The following NRXN3 variants were observed in gnomAD, a reference collection of about 807,000 sequenced individuals.
NRXN3 encodes the protein neurexin 3, also known as neurexin III.
NRXN3 carries 32 observed loss-of-function variants against 137.6 expected under a neutral mutation model. That is an observed-to-expected ratio of 0.23 (90% CI 0.18 to 0.31). The LOEUF is 0.31. Among genes scored for constraint, NRXN3 ranks in the 10% least tolerant of loss-of-function variants. The probability of loss-of-function intolerance (pLI) is 1.00; values close to 1 mark genes in which losing one functional copy is unlikely to be tolerated. For missense variants in NRXN3, 1,574 were observed against 2,062.5 expected, an observed-to-expected ratio of 0.76 and a Z score of 4.59; for synonymous variants, 798 against 784.5, an observed-to-expected ratio of 1.02 and a Z score of -0.29.
intron 9 of NRXN3, among the ~76,000 whole-genome samples, chr14:78,805,653 AGAT>A (rs1469819986): frequency 2.0e-5 from 3 of 152,126 alleles, no homozygotes; most frequent in African/African-American, 4.8e-5. Context: ...TCACTGAAAA[AGAT>A]GATGAAGACA....
chr14:79,497,507 G>A (rs540717130), intron 16 of NRXN3, among the ~76,000 whole-genome samples: 1 of 151,980 alleles, frequency 6.6e-6, no homozygotes, highest in South Asian at 2.1e-4. Context: ...CCTCCCTGCA[G>A]TTCCTTCTCC....
intron 20 of NRXN3, among the ~76,000 whole-genome samples, chr14:79,831,497 T>A (rs139588152): frequency 1.6e-4 from 24 of 152,320 alleles, no homozygotes; most frequent in African/African-American, 5.5e-4. Context: ...AATGTATCCA[T>A]AGATTTCTTA....
At chr14:79,550,836 T>A (rs1028474486) in intron 16 of NRXN3, among the ~76,000 whole-genome samples, 1 of 152,224 alleles carries the variant, frequency 6.6e-6, no homozygotes, top group African/African-American at 2.4e-5. Flanking sequence ...TCATTATATC[T>A]ACTTTATAGG....
intron 4 of NRXN3, among the ~76,000 whole-genome samples, chr14:78,531,293 T>C (rs1307350553): frequency 6.6e-6 from 1 of 152,126 alleles, no homozygotes; most frequent in African/African-American, 2.4e-5. Flanking sequence ...GAATGAGAAA[T>C]GAGAGAGTGA....
At chr14:78,345,084 A>G (rs1282261140) in intron 4 of NRXN3, among the ~76,000 whole-genome samples, 4 of 152,104 alleles carry the variant, frequency 2.6e-5, no homozygotes, top group Non-Finnish European at 2.9e-5. Context: ...GAATGGGATA[A>G]GGGAGGACAT....
intron 6 of NRXN3, among the ~76,000 whole-genome samples, chr14:78,700,472 G>C (rs2098267900): frequency 6.6e-6 from 1 of 152,150 alleles, no homozygotes; most frequent in Non-Finnish European, 1.5e-5. Flanking sequence ...TGCCAACATG[G>C]CTCTAAGAAA....
intron 15 of NRXN3, among the ~76,000 whole-genome samples, chr14:79,200,842 T>C (rs1415918801): frequency 6.9e-6 from 1 of 145,578 alleles, no homozygotes; most frequent in East Asian, 2.0e-4. Context: ...TTTTTTTTTT[T>C]TTTTTTTTTT....
intron 16 of NRXN3, among the ~76,000 whole-genome samples, chr14:79,491,596 G>A (rs770212652): frequency 9.7e-5 from 14 of 143,660 alleles, no homozygotes; most frequent in East Asian, 5.8e-4. Flanking sequence ...GACATTTTTC[G>A]TCTCAAAAAA....
intron 8 of NRXN3, among the ~76,000 whole-genome samples, chr14:78,777,616 G>A (rs1007292780): frequency 6.6e-6 from 1 of 152,064 alleles, no homozygotes; most frequent in African/African-American, 2.4e-5. Context: ...ATTATATACT[G>A]AAATAATAGT....
chr14:79,765,625 AC>A (rs1343471045), intron 19 of NRXN3, among the ~76,000 whole-genome samples: 1 of 152,128 alleles, frequency 6.6e-6, no homozygotes, highest in African/African-American at 2.4e-5. Flanking sequence ...TTTGCTCATC[AC>A]CCTGTCTCTC....
intron 19 of NRXN3, among the ~76,000 whole-genome samples, chr14:79,778,877 A>T (rs1203152518): frequency 1.3e-5 from 2 of 152,210 alleles, no homozygotes; most frequent in African/African-American, 4.8e-5. Flanking sequence ...TTTCACTGTA[A>T]TATAGTGGTG....
intron 15 of NRXN3, among the ~76,000 whole-genome samples, chr14:79,275,320 A>AT (rs2080110535): frequency 6.6e-6 from 1 of 151,784 alleles, no homozygotes; most frequent in South Asian, 2.1e-4. Flanking sequence ...CATATTTGGA[A>AT]AAAAAAAGGG....
At chr14:79,405,268 A>G (rs2095287320) in intron 15 of NRXN3, among the ~76,000 whole-genome samples, 1 of 152,126 alleles carries the variant, frequency 6.6e-6, no homozygotes. Context: ...TCGGAGGTAG[A>G]GCACATAGTA....
chr14:79,297,452 A>G (rs2084376775), intron 15 of NRXN3, among the ~76,000 whole-genome samples: 1 of 152,128 alleles, frequency 6.6e-6, no homozygotes. Context: ...GGCATCCTAT[A>G]TTTTATCTGG....
At position 79,433,298 on chromosome 14, in the gene NRXN3, AAAG is replaced by A. The variant is rs529978326; in HGVS notation, c.3263-33919_3263-33917del. Among the ~76,000 whole-genome samples the A allele has an allele frequency of 4.2e-3, 636 of 152,310 alleles. 1 individual carries two copies. The highest frequency in any genetic ancestry group is 6.3e-3 in the Admixed American group (97 of 15,298). Reference sequence around the variant, plus strand: ...CAGACTTGGGAAATCCTAAAAGAAAAAAGAAGGACTGTTGGGACATCCTGGTTG... The same window carrying A: ...CAGACTTGGGAAATCCTAAAAGAAAAAAGGACTGTTGGGACATCCTGGTTG... On this transcript the variant is annotated intron_variant, in intron 15 of 20. Transcript: ENST00000335750.
intron 10 of NRXN3, among the ~76,000 whole-genome samples, chr14:78,818,563 CAAAT>C (rs1596183560): frequency 6.6e-6 from 1 of 151,982 alleles, no homozygotes; most frequent in Admixed American, 6.6e-5. Flanking sequence ...AGATTTCTGA[CAAAT>C]AAATATTTTC....
At chr14:79,605,293 T>C (rs546989735) in intron 16 of NRXN3, among the ~76,000 whole-genome samples, 1 of 152,300 alleles carries the variant, frequency 6.6e-6, no homozygotes, top group African/African-American at 2.4e-5. Context: ...TACCTGGGCC[T>C]ATGTCAGGTT....
At chr14:78,696,242 C>T (rs967349442) in intron 6 of NRXN3, among the ~76,000 whole-genome samples, 1 of 152,004 alleles carries the variant, frequency 6.6e-6, no homozygotes, top group African/African-American at 2.4e-5. Context: ...GGCTCTGAAG[C>T]CAGACTTATC....
intron 4 of NRXN3, among the ~76,000 whole-genome samples, chr14:78,599,408 T>A (rs2097184656): frequency 6.6e-6 from 1 of 152,258 alleles, no homozygotes; most frequent in Non-Finnish European, 1.5e-5. Context: ...CCTTTCTTGC[T>A]TCATAATAGA....
Sources: gnomAD v4.1 joint callset for allele counts (sites outside exome capture counted in the v4.1 genomes callset) on GRCh38, gnomAD v4.1.1 for gene constraint, MANE v1.5 for transcripts, NCBI Gene and HGNC (gene_info 2026-07-23, HGNC 2026-07-21) for gene names.